PDE1A: variants seen among roughly 807,000 people sequenced by gnomAD.
PDE1A encodes the protein phosphodiesterase 1A, also known as dual specificity calcium/calmodulin-dependent 3',5'-cyclic nucleotide phosphodiesterase 1A.
Under a neutral mutation model 61.7 loss-of-function variants are expected in PDE1A, and 35 were observed. The observed-to-expected ratio is 0.57, with a 90% CI of 0.43 to 0.75. PDE1A has a LOEUF of 0.75. Ranked by LOEUF, PDE1A falls within the 30% of genes least tolerant of loss-of-function variation. PDE1A has a pLI of 0.00. For synonymous variants in PDE1A, 232 were observed against 213.2 expected (o/e 1.09, Z -0.77); for missense variants, 597 against 630.6 (o/e 0.95, Z 0.57).
chr2:182,626,413 T>C, the PDE1A span, among the ~76,000 whole-genome samples: 6 of 152,032 alleles, frequency 3.9e-5, no homozygotes, highest in Non-Finnish European at 8.8e-5. Flanking sequence ...AGCCCAAGGA[T>C]ATATTTTAAA....
At chr2:182,241,729 T>A (rs1690526845) in intron 2 of PDE1A, 2 of 798,590 alleles carry the variant, frequency 2.5e-6, no homozygotes, top group South Asian at 6.0e-5. Flanking sequence ...AGTTCTGGAG[T>A]CACAAAGATA....
At chr2:182,465,264 G>C (rs1265000355) in intron 2 of PDE1A, among the ~76,000 whole-genome samples, 1 of 152,002 alleles carries the variant, frequency 6.6e-6, no homozygotes, top group Non-Finnish European at 1.5e-5. Context: ...AACTAGCTTT[G>C]CTTTCATCCA....
intron 1 of PDE1A, among the ~76,000 whole-genome samples, chr2:182,420,698 G>T (rs568599261): frequency 6.6e-6 from 1 of 152,040 alleles, no homozygotes; most frequent in Non-Finnish European, 1.5e-5. Flanking sequence ...AACACTAAAC[G>T]TGGATACCAA....
the PDE1A span, among the ~76,000 whole-genome samples, chr2:182,710,664 T>A: frequency 6.6e-6 from 1 of 152,242 alleles, no homozygotes; most frequent in African/African-American, 2.4e-5. Context: ...CACATTTATC[T>A]ATGTTGTCAC....
In PDE1A at chr2:182,263,269, C is replaced by T. The variant is rs1009961305; in HGVS notation, c.167+1032G>A. 2.8e-4 allele frequency among the ~76,000 whole-genome samples: 42 copies of T among 152,116 alleles called. 1 individual carries two copies. Among genetic ancestry groups the T allele is most frequent in the African/African-American group, 9.9e-4 (41 of 41,422 alleles). The stretch of plus-strand genomic sequence containing the variant: ...TTTGCTGTCATCTATGTGACAAATG[C>T]CCAAATGCTGCCTATTTTTTTTCTC... On this transcript the variant is annotated intron_variant, in intron 2 of 13. Coordinates refer to ENST00000351439, the Ensembl canonical transcript of PDE1A.
At chr2:182,562,501 T>G in the PDE1A span, among the ~76,000 whole-genome samples, 4 of 151,758 alleles carry the variant, frequency 2.6e-5, no homozygotes, top group Admixed American at 2.6e-4. Context: ...ATCAAGGATA[T>G]TGGTCTAAAA....
chr2:182,606,931 T>C, the PDE1A span, among the ~76,000 whole-genome samples: 1 of 152,024 alleles, frequency 6.6e-6, no homozygotes, highest in Admixed American at 6.5e-5. Context: ...ACTGAGACAA[T>C]AAGTATTGCC....
intron 2 of PDE1A, among the ~76,000 whole-genome samples, chr2:182,513,070 G>A (rs1689908424): frequency 6.6e-6 from 1 of 152,166 alleles, no homozygotes; most frequent in South Asian, 2.1e-4. Flanking sequence ...CACTAGAGAG[G>A]TTGACATTCA....
Position 182,295,236 on chromosome 2 carries a change from G to A in PDE1A, c.54-30822C>T, listed in dbSNP as rs188839686. 2.0e-3 allele frequency among the ~76,000 whole-genome samples: 295 copies of A among 151,176 alleles called. 3 individuals are homozygous for A. Among genetic ancestry groups the A allele is most frequent in the Middle Eastern group, 6.8e-3 (2 of 294 alleles). On this transcript the variant is annotated intron_variant, in intron 1 of 13. Coordinates refer to ENST00000351439, the Ensembl canonical transcript of PDE1A. ...ACTACAGGCGCCCACCACCGCGCCC[G>A]GCTAATTTTTTGTATTTTTAGTAGA...
chr2:182,224,636 T>A (rs13034133), intron 6 of PDE1A, among the ~76,000 whole-genome samples: 103,358 of 151,806 alleles, frequency 0.68, 35,326 homozygotes, highest in South Asian at 0.76. Flanking sequence ...CCCTGCTATT[T>A]TTAGTTCATT....
intron 13 of PDE1A, among the ~76,000 whole-genome samples, chr2:182,173,277 C>G (rs1337021785): frequency 6.6e-6 from 1 of 151,992 alleles, no homozygotes. Flanking sequence ...ATAGGCTGCC[C>G]AGGTTGAAAA....
At chr2:182,203,580 T>G (rs1265922248) in intron 8 of PDE1A, among the ~76,000 whole-genome samples, 1 of 152,144 alleles carries the variant, frequency 6.6e-6, no homozygotes. Context: ...AGATTAGAGT[T>G]TAAGGAAATC....
chr2:182,404,019 G>C (rs1171823786), intron 1 of PDE1A, among the ~76,000 whole-genome samples: 1 of 147,004 alleles, frequency 6.8e-6, no homozygotes, highest in Non-Finnish European at 1.5e-5. Flanking sequence ...GTTTAATTTG[G>C]GGTATAACTT....
At chr2:182,540,285 GC>G in the PDE1A span, among the ~76,000 whole-genome samples, 2 of 149,538 alleles carry the variant, frequency 1.3e-5, no homozygotes, top group African/African-American at 4.9e-5. Flanking sequence ...AATTGCTTGA[GC>G]CCAGGAGGCA....
At chr2:182,695,012 T>G in the PDE1A span, among the ~76,000 whole-genome samples, 1 of 152,140 alleles carries the variant, frequency 6.6e-6, no homozygotes. Flanking sequence ...TGTAAAATTT[T>G]TTTAATTCAG....
At chr2:182,588,485 A>G in the PDE1A span, among the ~76,000 whole-genome samples, 2 of 152,182 alleles carry the variant, frequency 1.3e-5, no homozygotes, top group African/African-American at 4.8e-5. Context: ...TGAAACTCTT[A>G]TTACTTCTGT....
chr2:182,393,470 C>T (rs943220955), intron 1 of PDE1A, among the ~76,000 whole-genome samples: 8 of 152,154 alleles, frequency 5.3e-5, no homozygotes, highest in African/African-American at 1.7e-4. Context: ...ATTTTCCCCA[C>T]TGCCTTGGTG....
chr2:182,553,264 C>T, the PDE1A span, among the ~76,000 whole-genome samples: 14 of 152,182 alleles, frequency 9.2e-5, no homozygotes, highest in African/African-American at 2.7e-4. Flanking sequence ...GGAAGTGGCT[C>T]GCCACCATCT....
intron 7 of PDE1A, among the ~76,000 whole-genome samples, chr2:182,212,895 C>T (rs1020315008): frequency 5.3e-4 from 81 of 152,074 alleles, no homozygotes; most frequent in Non-Finnish European, 1.1e-3. Context: ...CCGGGAAGCT[C>T]GAACTGGGTG....
Sources: gnomAD v4.1 joint callset for allele counts (sites outside exome capture counted in the v4.1 genomes callset) on GRCh38, gnomAD v4.1.1 for gene constraint, MANE v1.5 for transcripts, NCBI Gene and HGNC (gene_info 2026-07-23, HGNC 2026-07-21) for gene names.